The following WNK1 variants were observed in gnomAD, a reference collection of about 807,000 sequenced individuals.
WNK1 encodes the protein serine/threonine-protein kinase WNK1.
WNK1 carries 38 observed loss-of-function variants against 222.8 expected under a neutral mutation model. The observed-to-expected ratio is 0.17, with a 90% CI of 0.13 to 0.22. WNK1 has a LOEUF of 0.22. Among genes scored for constraint, WNK1 ranks in the 10% least tolerant of loss-of-function variants. WNK1 has a pLI of 1.00. For synonymous variants in WNK1, 1,090 were observed against 1,092.9 expected, an observed-to-expected ratio of 1.00 and a Z score of 0.05; for missense variants, 2,348 against 2,918.4, an observed-to-expected ratio of 0.80 and a Z score of 4.50.
intron 1 of WNK1, among the ~76,000 whole-genome samples, chr12:808,439 G>A (rs1946581831): frequency 6.6e-6 from 1 of 151,798 alleles, no homozygotes; most frequent in South Asian, 2.1e-4. Context: ...ATTTATTAAT[G>A]TATTTTTATT....
chr12:821,067 T>TTTTAAACAGATG (rs56400510), intron 2 of WNK1, among the ~76,000 whole-genome samples: 2 of 83,380 alleles, frequency 2.4e-5, no homozygotes, highest in African/African-American at 9.2e-5. Context: ...TTTTTTTTTT[T>TTTTAAACAGATG]GGAAAGGTGT....
intron 2 of WNK1, among the ~76,000 whole-genome samples, chr12:826,441 C>G (rs1591880985): frequency 6.6e-6 from 1 of 152,180 alleles, no homozygotes; most frequent in African/African-American, 2.4e-5. Flanking sequence ...AGGCCCTTTC[C>G]TTAGGTAAAA....
chr12:865,629 C>T (rs942508417), intron 8 of WNK1, among the ~76,000 whole-genome samples: 2 of 152,152 alleles, frequency 1.3e-5, no homozygotes, highest in Non-Finnish European at 2.9e-5. Flanking sequence ...TTCATTATAT[C>T]TTCCTGTTTC....
At position 885,410 on chromosome 12, in the gene WNK1, A is replaced by C; in HGVS notation, c.4606A>C (p.Ser1536Arg). The C allele has an allele frequency of 3.7e-6, 6 of 1,613,286 alleles. No homozygotes were observed. Among genetic ancestry groups the C allele is most frequent in the Non-Finnish European group, 5.1e-6 (6 of 1,179,836 alleles). Residue 1536 changes from serine (S) to arginine (R), a missense_variant, in exon 19 of 28, where the codon AGT (serine) becomes CGT (arginine). By Grantham distance (110) the Ser-to-Arg change is moderately radical. Around this residue, in one of 13 missense-constraint regions of WNK1, gnomAD observed 1,144 missense variants for 1,273.6 expected, o/e 0.90. Coordinates refer to ENST00000315939, the MANE Select transcript of WNK1 (RefSeq NM_018979.4). The stretch of plus-strand genomic sequence containing the variant: ...CTCACTAGATAAGACATCTCATAGC[A>C]GTACAACTGGATTGGCTTTCTCCCT... ...AHSLDKTSHS[S>R]TTGLAFSLSA...
intron 12 of WNK1, chr12:881,329 C>G (rs1337419607): frequency 2.3e-6 from 1 of 442,066 alleles, no homozygotes; most frequent in African/African-American, 2.0e-5. Context: ...CTCCTGTGCT[C>G]TCAGCAATCA....
At chr12:865,386 A>T (rs1951579275) in intron 8 of WNK1, 2 of 1,526,474 alleles carry the variant, frequency 1.3e-6, no homozygotes, top group Admixed American at 2.0e-5. Context: ...TAAACTTCTG[A>T]CAAATGAACA....
At chr12:812,903 G>A (rs1258246514) in intron 1 of WNK1, among the ~76,000 whole-genome samples, 3 of 152,020 alleles carry the variant, frequency 2.0e-5, no homozygotes, top group African/African-American at 7.3e-5. Flanking sequence ...GAATTTTCCT[G>A]ACTTGAAGAC....
intron 8 of WNK1, chr12:864,980 A>AAAT: frequency 7.8e-7 from 1 of 1,274,962 alleles, no homozygotes; most frequent in East Asian, 2.6e-5. Context: ...TCAAAAAAAA[A>AAAT]ACTGACTTTG....
intron 11 of WNK1, 32 bp from the exon 12 acceptor site, chr12:880,689 G>T (rs577183853): frequency 2.5e-5 from 40 of 1,607,620 alleles, no homozygotes; most frequent in Non-Finnish European, 3.2e-5. Flanking sequence ...CCCCCAACCT[G>T]CTCTAACTCA....
chr12:753,936 C>G lies in WNK1; in HGVS notation c.371C>G (p.Thr124Ser). 1.2e-6 allele frequency: 2 copies of G among 1,601,234 alleles called. No individual in the cohort carries two copies. Among genetic ancestry groups the G allele is most frequent in the South Asian group, 1.1e-5 (1 of 90,534 alleles). ...CCACCGGAGCCCCACCGGGAAGAGA[C>G]CGTGACCGCCACCGCCACTTCCCAG... is the stretch of plus-strand genomic sequence containing the variant. ...SAPPEPHREE[T>S]VTATATSQVA... Residue 124 changes from threonine to serine, a missense_variant, in exon 1 of 28, where the codon ACC (threonine) becomes AGC (serine). Transcript: ENST00000315939. The surrounding 1 kb of genome is among the most constrained non-coding windows in gnomAD (Gnocchi z 5.2).
At chr12:892,602 G>C (rs1240261231) in intron 22 of WNK1, among the ~76,000 whole-genome samples, 1 of 152,072 alleles carries the variant, frequency 6.6e-6, no homozygotes, top group Non-Finnish European at 1.5e-5. Flanking sequence ...ATTTGTGGGA[G>C]GGGGAGGGGT....
At position 879,993 on chromosome 12, in the gene WNK1, G is replaced by T; in HGVS notation, c.2794G>T (p.Ala932Ser). 6.2e-7 allele frequency: 1 copy of T among 1,614,158 alleles called. No homozygotes were observed. The highest frequency in any genetic ancestry group is 1.1e-5 in the South Asian group (1 of 91,080). Residue 932 changes from alanine to serine, a missense_variant, in exon 11 of 28, where the codon GCT becomes TCT. Transcript: ENST00000315939. ...MGIPANLGQA[A>S]EVPLSSGDVL... Reference sequence around the variant, plus strand: ...AATACCAGCTAACCTTGGACAAGCTGCTGAGGTTCCACTTTCCTCTGGAGA... The same window carrying T: ...AATACCAGCTAACCTTGGACAAGCTTCTGAGGTTCCACTTTCCTCTGGAGA...
rs1939655463 is a variant in WNK1, at chr12:754,414, A to G, written c.759+90A>G. 4 of 1,558,490 alleles carry G rather than the reference A, an allele frequency of 2.6e-6. No individual in the cohort carries two copies. In the South Asian group the frequency reaches 4.5e-5, roughly 17 times the overall value. ...TGATCGAGTTCACCCTTCACTTGGC[A>G]TTCTCTGTTGGACTCCGAGTGGGAC... On this transcript the variant is annotated intron_variant, in intron 1 of 27. Coordinates refer to ENST00000315939, the MANE Select transcript of WNK1 (RefSeq NM_018979.4).
At chr12:879,444 GTGTTTTTTTTTTTGTT>G (rs1952921544) in intron 10 of WNK1, 113 bp from the exon 11 acceptor site, 3 of 679,922 alleles carry the variant, frequency 4.4e-6, no homozygotes, top group East Asian at 2.9e-5. Flanking sequence ...TGTTGGTTTG[GTGTTTTTTTTTTTGTT>G]TGTTTTTTCC....
At chr12:857,080 A>G (rs1259855531) in intron 4 of WNK1, 81 bp from the exon 5 acceptor site, 36 of 1,453,436 alleles carry the variant, frequency 2.5e-5, no homozygotes, top group Non-Finnish European at 2.9e-5. Context: ...AAAGGAACCT[A>G]AAAGAACCTT....
Position 910,343 on chromosome 12 carries a change from C to CATT in WNK1, c.*1552_*1554dup, listed in dbSNP as rs1157092325. The CATT allele has an allele frequency of 1.3e-5, 2 of 152,230 alleles. No homozygotes were observed. The highest frequency in any genetic ancestry group is 2.9e-5 in the Non-Finnish European group (2 of 68,040). The allele number at this position is 152,230 out of a possible 1,614,324, so 9.4% of individuals were successfully genotyped here. On this transcript the variant is annotated 3_prime_UTR_variant, in exon 28 of 28. Coordinates refer to ENST00000315939, the MANE Select transcript of WNK1 (RefSeq NM_018979.4). ...CTAGGAAAGAATACTTATTCCTACTCATTTCCTTTATGATGTCCAAATGGT... is the reference window on the plus strand; with the variant it reads ...CTAGGAAAGAATACTTATTCCTACTCATTATTTCCTTTATGATGTCCAAATGGT...
At chr12:770,377 A>C (rs1349422944) in intron 1 of WNK1, among the ~76,000 whole-genome samples, 1 of 152,208 alleles carries the variant, frequency 6.6e-6, no homozygotes, top group African/African-American at 2.4e-5. Context: ...GATTTTGAAA[A>C]TTTAGTATGA....
chr12:821,042 G>GTTTTTTTTT (rs60880879), intron 2 of WNK1, among the ~76,000 whole-genome samples: 4 of 79,106 alleles, frequency 5.1e-5, no homozygotes, highest in Non-Finnish European at 8.9e-5. Context: ...AGTTTCTTGA[G>GTTTTTTTTT]TTTTTTTTTT....
chr12:884,011 G>C lies in WNK1; in HGVS notation c.3722-110G>C. 1.3e-6 allele frequency: 2 copies of C among 1,546,664 alleles called. No individual in the cohort carries two copies. Among genetic ancestry groups the C allele is most frequent in the Non-Finnish European group, 1.8e-6 (2 of 1,129,516 alleles). ...CCACTGCACTCCAGCCTGGGTGAGA[G>C]AATGAGACCGTGCCTCAAAAAAAGC... On this transcript the variant is annotated intron_variant, in intron 17 of 27. Transcript: ENST00000315939. This position sits in a 1 kb window ranked among gnomAD's most constrained non-coding sequence, Gnocchi z 5.6.
Sources: allele counts gnomAD v4.1 joint callset (sites outside exome capture counted in the v4.1 genomes callset), GRCh38; gene constraint gnomAD v4.1.1; regional missense constraint gnomAD v4.1.1; non-coding constraint Gnocchi (gnomAD v3.1); transcripts MANE v1.5; gene names NCBI Gene and HGNC (gene_info 2026-07-23, HGNC 2026-07-21).